The following CNOT4 variants were observed in gnomAD, a reference collection of about 807,000 sequenced individuals.
The protein encoded by CNOT4 is CCR4-NOT transcription complex subunit 4, also known as CCR4-associated factor 4.
Under a neutral mutation model 73.8 loss-of-function variants are expected in CNOT4, and 8 were observed. The ratio of observed to expected loss-of-function variants is 0.11; its 90% CI spans 0.06 to 0.20. The LOEUF (loss-of-function observed/expected upper bound fraction) is 0.20, where lower values mean the gene tolerates loss of function less well. Ranked by LOEUF, CNOT4 falls within the 10% of genes least tolerant of loss-of-function variation. The pLI is 1.00. For synonymous variants in CNOT4, 293 were observed against 321.1 expected, an observed-to-expected ratio of 0.91 and a Z score of 0.94; for missense variants, 564 against 883.4, an observed-to-expected ratio of 0.64 and a Z score of 4.58.
intron 1 of CNOT4, among the ~76,000 whole-genome samples, chr7:135,490,161 A>G (rs915358826): frequency 6.6e-5 from 10 of 152,228 alleles, no homozygotes; most frequent in African/African-American, 2.2e-4. Context: ...TCTTCGTTAC[A>G]TATTAGTATC....
At chr7:135,435,158 T>C (rs559529920) in intron 2 of CNOT4, among the ~76,000 whole-genome samples, 117 of 152,336 alleles carry the variant, frequency 7.7e-4, no homozygotes, top group African/African-American at 2.8e-3. Context: ...TTCTCTATTC[T>C]AGATGTTCTA....
intron 4 of CNOT4, among the ~76,000 whole-genome samples, 154 bp from the exon 5 acceptor site, chr7:135,414,586 T>C (rs948795263): frequency 6.6e-6 from 1 of 152,122 alleles, no homozygotes; most frequent in Non-Finnish European, 1.5e-5. Flanking sequence ...GATTAAACAC[T>C]AAACTAGCTC....
intron 1 of CNOT4, among the ~76,000 whole-genome samples, chr7:135,448,055 C>A (rs1244412274): frequency 6.6e-6 from 1 of 152,144 alleles, no homozygotes; most frequent in African/African-American, 2.4e-5. Context: ...CCCTAAGGAG[C>A]AACACCAGAG....
intron 2 of CNOT4, among the ~76,000 whole-genome samples, chr7:135,428,004 G>A (rs1034479928): frequency 5.3e-5 from 8 of 152,040 alleles, no homozygotes; most frequent in African/African-American, 1.9e-4. Flanking sequence ...GTGGGCTCAG[G>A]ATAAGAACAA....
At chr7:135,501,392 C>T (rs1803956087) in intron 1 of CNOT4, among the ~76,000 whole-genome samples, 3 of 152,160 alleles carry the variant, frequency 2.0e-5, no homozygotes, top group Admixed American at 1.3e-4. Flanking sequence ...AAATAGACCA[C>T]ATTTCCTCAG....
chr7:135,435,931 G>C (rs1799128094), intron 2 of CNOT4, among the ~76,000 whole-genome samples: 1 of 148,456 alleles, frequency 6.7e-6, no homozygotes, highest in Admixed American at 6.8e-5. Context: ...GCACAAAAAA[G>C]GGGGTAGGCC....
chr7:135,468,866 A>G (rs1801396777), intron 1 of CNOT4, among the ~76,000 whole-genome samples: 1 of 152,054 alleles, frequency 6.6e-6, no homozygotes, highest in Admixed American at 6.6e-5. Context: ...TCCTTTTTTA[A>G]TATTTACCTT....
chr7:135,457,044 CT>C (rs1175076324), intron 1 of CNOT4, among the ~76,000 whole-genome samples: 3 of 152,048 alleles, frequency 2.0e-5, no homozygotes, highest in African/African-American at 7.2e-5. Context: ...TAAAAATCCA[CT>C]GTATTTCAAA....
chr7:135,424,512 C>G (rs535918283), intron 2 of CNOT4, among the ~76,000 whole-genome samples: 7 of 152,200 alleles, frequency 4.6e-5, no homozygotes, highest in Non-Finnish European at 7.4e-5. Flanking sequence ...AGGCCAGGCG[C>G]GGTGGCTCAC....
intron 1 of CNOT4, among the ~76,000 whole-genome samples, chr7:135,495,603 G>A (rs151324050): frequency 1.8e-3 from 260 of 148,214 alleles, no homozygotes; most frequent in Non-Finnish European, 3.2e-3. Flanking sequence ...CTGAGGCTGG[G>A]AGGCTATAAG....
intron 3 of CNOT4, among the ~76,000 whole-genome samples, 192 bp from the exon 4 acceptor site, chr7:135,415,454 A>T (rs1237050064): frequency 1.3e-5 from 2 of 151,840 alleles, no homozygotes; most frequent in Admixed American, 6.6e-5. Context: ...TTTAAAAGCT[A>T]TTTTTTTTCT....
At chr7:135,473,095 C>T (rs955001189) in intron 1 of CNOT4, among the ~76,000 whole-genome samples, 1 of 151,854 alleles carries the variant, frequency 6.6e-6, no homozygotes, top group Non-Finnish European at 1.5e-5. Flanking sequence ...GATTGATTCA[C>T]GTACCTTAGA....
At chr7:135,405,387 G>A (rs562483460) in intron 7 of CNOT4, among the ~76,000 whole-genome samples, 2 of 152,004 alleles carry the variant, frequency 1.3e-5, no homozygotes, top group Non-Finnish European at 2.9e-5. Context: ...CTTGTAACTA[G>A]GCCTGCTCAC....
chr7:135,502,278 A>G (rs1039234807), intron 1 of CNOT4, among the ~76,000 whole-genome samples: 1 of 152,230 alleles, frequency 6.6e-6, no homozygotes, highest in Non-Finnish European at 1.5e-5. Flanking sequence ...TAGCCTATAC[A>G]AACAGTACAC....
chr7:135,505,869 A>G (rs1021374930), intron 1 of CNOT4, among the ~76,000 whole-genome samples: 1 of 152,196 alleles, frequency 6.6e-6, no homozygotes, highest in African/African-American at 2.4e-5. Context: ...TATAGTAGAA[A>G]AAGTTGACAT....
intron 1 of CNOT4, among the ~76,000 whole-genome samples, chr7:135,490,004 T>G (rs962582641): frequency 6.6e-6 from 1 of 152,246 alleles, no homozygotes; most frequent in African/African-American, 2.4e-5. Flanking sequence ...TGAAGTTCTT[T>G]TTATGCCAAC....
rs550421650 is a variant in CNOT4 at position 135,495,333 on chromosome 7, T to C, written c.-93+14556A>G. On this transcript the variant is annotated intron_variant, in intron 1 of 11. Coordinates refer to ENST00000541284, the MANE Select transcript of CNOT4 (RefSeq NM_001190850.2). ...CAGCCTAGCCAACATGGTGAAACCC[T>C]GTCTCTACTAAAAATACAAAAATTA... Among the ~76,000 whole-genome samples the C allele has an allele frequency of 1.1e-4, 17 of 151,880 alleles. 2 individuals carry two copies. In the South Asian group the frequency reaches 3.1e-3, roughly 28 times the overall value.
At chr7:135,493,364 C>G (rs184490293) in intron 1 of CNOT4, among the ~76,000 whole-genome samples, 53 of 152,190 alleles carry the variant, frequency 3.5e-4, no homozygotes, top group African/African-American at 1.2e-3. Flanking sequence ...ATAGGACTCC[C>G]CACTGATCCT....
chr7:135,441,886 T>C (rs1196276682), intron 1 of CNOT4, among the ~76,000 whole-genome samples: 1 of 152,218 alleles, frequency 6.6e-6, no homozygotes, highest in East Asian at 1.9e-4. Context: ...AGAAATCCTT[T>C]AGATAGTTAA....
Sources: allele counts gnomAD v4.1 joint callset (sites outside exome capture counted in the v4.1 genomes callset), GRCh38; gene constraint gnomAD v4.1.1; transcripts MANE v1.5; gene names NCBI Gene and HGNC (gene_info 2026-07-23, HGNC 2026-07-21).